ALCAM: variants seen among roughly 807,000 people sequenced by gnomAD.
ALCAM encodes the protein CD166 antigen.
In ALCAM, 30 loss-of-function variants were observed where a neutral mutation model predicts 70.9. That is an observed-to-expected ratio of 0.42 (90% CI 0.32 to 0.57). The LOEUF is 0.57. ALCAM is among the 20% of genes least tolerant of loss of function. The probability of loss-of-function intolerance (pLI) is 0.11; values close to 1 mark genes in which losing one functional copy is unlikely to be tolerated. For missense variants in ALCAM, 591 were observed against 695.1 expected (o/e 0.85, Z 1.68); for synonymous variants, 249 against 242.5 (o/e 1.03, Z -0.25).
intron 1 of ALCAM, among the ~76,000 whole-genome samples, chr3:105,518,366 A>G (rs1023261292): frequency 2.0e-5 from 3 of 152,142 alleles, no homozygotes; most frequent in Non-Finnish European, 2.9e-5. Flanking sequence ...TGAAATTACA[A>G]AATGGTTTCC....
At chr3:105,408,740 AAC>A (rs1403183317) in intron 1 of ALCAM, among the ~76,000 whole-genome samples, 1 of 152,216 alleles carries the variant, frequency 6.6e-6, no homozygotes, top group Non-Finnish European at 1.5e-5. Context: ...CAGCAAAAGG[AAC>A]AGTCAGCAGA....
intron 1 of ALCAM, among the ~76,000 whole-genome samples, chr3:105,413,210 T>C (rs1471083273): frequency 6.6e-6 from 1 of 152,126 alleles, no homozygotes; most frequent in Non-Finnish European, 1.5e-5. Context: ...CTTGTGAGGA[T>C]TAAATTAATT....
intron 7 of ALCAM, among the ~76,000 whole-genome samples, chr3:105,541,356 A>T (rs1255727057): frequency 6.6e-6 from 1 of 151,974 alleles, no homozygotes; most frequent in Non-Finnish European, 1.5e-5. Flanking sequence ...TGGACTTTTT[A>T]AAAATGCCCT....
intron 1 of ALCAM, among the ~76,000 whole-genome samples, chr3:105,385,627 G>C (rs1576125005): frequency 6.6e-6 from 1 of 151,698 alleles, no homozygotes; most frequent in East Asian, 1.9e-4. Context: ...AAGAGCAATG[G>C]CTGGAAAGAA....
intron 14 of ALCAM, among the ~76,000 whole-genome samples, chr3:105,559,029 CTT>C (rs1233758478): frequency 2.0e-5 from 3 of 151,984 alleles, no homozygotes; most frequent in Non-Finnish European, 4.4e-5. Context: ...ACCTTTAGCA[CTT>C]CTTCCCACGG....
chr3:105,523,120 A>G (rs1939589967), intron 2 of ALCAM, among the ~76,000 whole-genome samples: 2 of 125,660 alleles, frequency 1.6e-5, no homozygotes, highest in Non-Finnish European at 3.1e-5. Context: ...AGCCTGGGCG[A>G]CAGAGCGAGA....
At chr3:105,446,994 A>T (rs755621299) in intron 1 of ALCAM, among the ~76,000 whole-genome samples, 1 of 152,158 alleles carries the variant, frequency 6.6e-6, no homozygotes, top group Non-Finnish European at 1.5e-5. Flanking sequence ...ATAGCTGGAA[A>T]AGAGGATTTT....
chr3:105,443,541 G>C (rs1937226300), intron 1 of ALCAM, among the ~76,000 whole-genome samples: 2 of 152,138 alleles, frequency 1.3e-5, no homozygotes, highest in Admixed American at 1.3e-4. Context: ...TTAATAAAAA[G>C]TATAACTGGA....
intron 1 of ALCAM, among the ~76,000 whole-genome samples, chr3:105,510,774 A>G (rs1939215540): frequency 6.6e-6 from 1 of 152,034 alleles, no homozygotes; most frequent in South Asian, 2.1e-4. Flanking sequence ...GTTTTTGTTT[A>G]TGTTTTACCA....
rs1281826741 is a variant in ALCAM, at chr3:105,576,417, G to A, written c.*1966G>A. The A allele has an allele frequency of 2.6e-5, 4 of 152,304 alleles. No homozygotes were observed. The highest frequency in any genetic ancestry group is 6.6e-5 in the Admixed American group (1 of 15,250). 9.4% of individuals were successfully genotyped at this position (152,304 alleles called of 1,614,324 possible). A position where few individuals can be genotyped will look rare whatever the true frequency, so the allele number is the denominator to read the frequency against. ...CATATAAATATTATTTTCTCTTTTGGTGTGGGAGATCAAAGGTTTAAAGTC... is the reference window on the plus strand; with the variant it reads ...CATATAAATATTATTTTCTCTTTTGATGTGGGAGATCAAAGGTTTAAAGTC... On this transcript the variant is annotated 3_prime_UTR_variant, in exon 16 of 16. Coordinates refer to ENST00000306107, the MANE Select transcript of ALCAM (RefSeq NM_001627.4).
intron 1 of ALCAM, among the ~76,000 whole-genome samples, chr3:105,390,814 G>A (rs1559774961): frequency 6.6e-6 from 1 of 152,084 alleles, no homozygotes. Flanking sequence ...TCTGCGTATG[G>A]CTAGCCAGTT....
rs1215933976 is a variant in ALCAM, at chr3:105,576,069, A to G, written c.*1618A>G. On this transcript the variant is annotated 3_prime_UTR_variant, in exon 16 of 16. Transcript: ENST00000306107. ...ATAAAAGCTTCCGTAGTGCATTGGT[A>G]TGGATTAAATGCATAAAATATTCTT... 3 of 152,346 alleles carry G rather than the reference A, an allele frequency of 2.0e-5. No individual in the cohort carries two copies. The highest frequency in any genetic ancestry group is 2.9e-5 in the Non-Finnish European group (2 of 68,026). The allele number at this position is 152,346 out of a possible 1,614,324, so 9.4% of individuals were successfully genotyped here. A position where few individuals can be genotyped will look rare whatever the true frequency, so the allele number is the denominator to read the frequency against.
At chr3:105,441,959 T>G (rs1367204226) in intron 1 of ALCAM, among the ~76,000 whole-genome samples, 2 of 152,216 alleles carry the variant, frequency 1.3e-5, no homozygotes, top group Non-Finnish European at 2.9e-5. Flanking sequence ...CAGCTATCCC[T>G]TTCAAATAGC....
chr3:105,460,241 C>A (rs1937585438), intron 1 of ALCAM, among the ~76,000 whole-genome samples: 1 of 152,004 alleles, frequency 6.6e-6, no homozygotes. Flanking sequence ...CCTTCCCATA[C>A]TAAACCCTCA....
At chr3:105,412,773 T>C in intron 1 of ALCAM, among the ~76,000 whole-genome samples, 1 of 152,076 alleles carries the variant, frequency 6.6e-6, no homozygotes, top group Non-Finnish European at 1.5e-5. Context: ...ACTTGGAATA[T>C]GTGTGAATAA....
intron 1 of ALCAM, among the ~76,000 whole-genome samples, chr3:105,498,995 T>C (rs1037173016): frequency 6.6e-6 from 1 of 152,194 alleles, no homozygotes; most frequent in Non-Finnish European, 1.5e-5. Flanking sequence ...TTGATATATG[T>C]TCAAAATGAT....
At chr3:105,452,525 C>T (rs1937453922) in intron 1 of ALCAM, among the ~76,000 whole-genome samples, 1 of 152,160 alleles carries the variant, frequency 6.6e-6, no homozygotes, top group Non-Finnish European at 1.5e-5. Flanking sequence ...AATAGCGCTG[C>T]AGTAAACATA....
chr3:105,375,821 A>G lies in ALCAM; in HGVS notation c.73+8340A>G, dbSNP rs545463540. On this transcript the variant is annotated intron_variant, in intron 1 of 15. Coordinates refer to ENST00000306107, the MANE Select transcript of ALCAM (RefSeq NM_001627.4). ...CTTCTGTACATGCAAACTAAGTTGT[A>G]TCAGTCAGAAAAGGCGACCTGATGT... Among the ~76,000 whole-genome samples, 22 of 152,332 alleles carry G rather than the reference A, an allele frequency of 1.4e-4. No individual in the cohort carries two copies. In the East Asian group the frequency reaches 4.2e-3, roughly 29 times the overall value.
intron 1 of ALCAM, among the ~76,000 whole-genome samples, chr3:105,514,700 A>G (rs1296666259): frequency 6.6e-6 from 1 of 151,892 alleles, no homozygotes; most frequent in African/African-American, 2.4e-5. Flanking sequence ...TAACATGGGC[A>G]TTTTCCCTCT....
Sources: gnomAD v4.1 joint callset for allele counts (sites outside exome capture counted in the v4.1 genomes callset) on GRCh38, gnomAD v4.1.1 for gene constraint, MANE v1.5 for transcripts, NCBI Gene and HGNC (gene_info 2026-07-23, HGNC 2026-07-21) for gene names.